Variants in RNF150 observed in about 807,000 individuals in gnomAD.
RNF150 encodes the protein ring finger protein 150.
In RNF150, 24 loss-of-function variants were observed where a neutral mutation model predicts 39.3. That is an observed-to-expected ratio of 0.61 (90% CI 0.44 to 0.86). The LOEUF (loss-of-function observed/expected upper bound fraction) is 0.86, where lower values mean the gene tolerates loss of function less well. Among genes scored for constraint, RNF150 ranks in the 40% least tolerant of loss-of-function variants. RNF150 has a pLI of 0.00. For missense variants in RNF150, 502 were observed against 587.8 expected (o/e 0.85, Z 1.51); for synonymous variants, 255 against 227.3 (o/e 1.12, Z -1.10).
intron 1 of RNF150, among the ~76,000 whole-genome samples, chr4:141,034,715 C>T (rs547091294): frequency 1.2e-4 from 18 of 151,912 alleles, no homozygotes; most frequent in East Asian, 1.9e-4. Context: ...ACAGGCAGGC[C>T]GAAGGAGAGG....
At chr4:141,148,289 C>G (rs1267685943) in intron 1 of RNF150, among the ~76,000 whole-genome samples, 3 of 152,130 alleles carry the variant, frequency 2.0e-5, no homozygotes, top group African/African-American at 7.2e-5. Context: ...GTCTGTTACC[C>G]TGGACCTAGA....
intron 6 of RNF150, among the ~76,000 whole-genome samples, chr4:140,874,412 C>A (rs972315580): frequency 2.6e-5 from 4 of 152,176 alleles, no homozygotes; most frequent in Non-Finnish European, 4.4e-5. Context: ...GATCCTGCTG[C>A]ATTTCTTCAT....
chr4:141,009,686 TG>T lies in RNF150; in HGVS notation c.485-41814del, dbSNP rs1317230022. Among the ~76,000 whole-genome samples, 15 of 152,264 alleles carry T rather than the reference TG, an allele frequency of 9.9e-5. No homozygotes were observed. The South Asian group carries it at 2.5e-3, about 25-fold the overall frequency. On this transcript the variant is annotated intron_variant, in intron 1 of 6. Transcript: ENST00000515673. ...CTTAATTCAAATTGCACCTATTCCA[TG>T]TCATTTTTTCCCAGATAAAGGGGAT...
At chr4:140,895,085 A>G (rs1037463125) in intron 6 of RNF150, among the ~76,000 whole-genome samples, 3 of 152,102 alleles carry the variant, frequency 2.0e-5, no homozygotes, top group Non-Finnish European at 4.4e-5. Flanking sequence ...AACCCACTAG[A>G]GACTAAGTCC....
intron 1 of RNF150, among the ~76,000 whole-genome samples, chr4:141,022,210 T>A (rs1735521236): frequency 6.6e-6 from 1 of 151,808 alleles, no homozygotes; most frequent in South Asian, 2.1e-4. Flanking sequence ...TTGCACTGGG[T>A]TTTTTTTATT....
chr4:141,021,989 T>A (rs1375680680), intron 1 of RNF150, among the ~76,000 whole-genome samples: 3 of 152,228 alleles, frequency 2.0e-5, no homozygotes, highest in Non-Finnish European at 4.4e-5. Flanking sequence ...GAATCAGCAC[T>A]GCAACTCATG....
At chr4:141,000,167 G>T (rs924678100) in intron 1 of RNF150, among the ~76,000 whole-genome samples, 24 of 152,100 alleles carry the variant, frequency 1.6e-4, no homozygotes, top group African/African-American at 5.5e-4. Context: ...CAAAGCTAAA[G>T]AAAGAGCTTT....
intron 1 of RNF150, among the ~76,000 whole-genome samples, chr4:141,079,610 T>G (rs901246499): frequency 2.6e-5 from 4 of 152,222 alleles, no homozygotes; most frequent in East Asian, 1.9e-4. Flanking sequence ...TGTTGCTTTA[T>G]TAAGCCAACA....
intron 6 of RNF150, among the ~76,000 whole-genome samples, chr4:140,881,733 G>A (rs1304064237): frequency 6.6e-6 from 1 of 151,994 alleles, no homozygotes; most frequent in Non-Finnish European, 1.5e-5. Flanking sequence ...CAAAGCAAAA[G>A]AGCCAAGTGT....
chr4:141,059,436 T>C (rs1228799762), intron 1 of RNF150, among the ~76,000 whole-genome samples: 1 of 152,190 alleles, frequency 6.6e-6, no homozygotes, highest in Non-Finnish European at 1.5e-5. Flanking sequence ...CTTTCAACCA[T>C]AAAGTCATAT....
chr4:140,997,420 A>G (rs1734414911), intron 1 of RNF150, among the ~76,000 whole-genome samples: 1 of 152,192 alleles, frequency 6.6e-6, no homozygotes, highest in African/African-American at 2.4e-5. Context: ...CAGGAGTTCG[A>G]GACCAGCCTG....
chr4:140,899,668 G>A (rs1448534977), intron 6 of RNF150, among the ~76,000 whole-genome samples: 1 of 152,146 alleles, frequency 6.6e-6, no homozygotes, highest in East Asian at 1.9e-4. Context: ...AGGAAGAACT[G>A]TCTTCTAAGC....
At chr4:140,955,756 C>G (rs1159286575) in intron 2 of RNF150, among the ~76,000 whole-genome samples, 1 of 152,206 alleles carries the variant, frequency 6.6e-6, no homozygotes, top group Admixed American at 6.5e-5. Flanking sequence ...TGCCTGAACT[C>G]TCCCTTGGTG....
chr4:141,208,766 C>G (rs1728416668), intron 1 of RNF150, among the ~76,000 whole-genome samples: 1 of 152,100 alleles, frequency 6.6e-6, no homozygotes, highest in Admixed American at 6.5e-5. Context: ...AGTTTGCCTG[C>G]CACTGTTTTG....
chr4:141,072,040 T>A (rs1444624323), intron 1 of RNF150, among the ~76,000 whole-genome samples: 1 of 152,184 alleles, frequency 6.6e-6, no homozygotes, highest in East Asian at 1.9e-4. Context: ...TCTGATGCAC[T>A]AGGTCTGGGG....
intron 1 of RNF150, among the ~76,000 whole-genome samples, chr4:141,082,324 C>G (rs1409689870): frequency 6.6e-6 from 1 of 152,198 alleles, no homozygotes; most frequent in Non-Finnish European, 1.5e-5. Context: ...ACCTTGTTTC[C>G]TGGAAACAAC....
intron 1 of RNF150, among the ~76,000 whole-genome samples, chr4:141,002,212 A>G (rs73860212): frequency 0.076 from 11,538 of 152,228 alleles, 489 homozygotes; most frequent in Middle Eastern, 0.16. Flanking sequence ...ACAATTTTGA[A>G]TATTAGAAAT....
chr4:140,871,407 A>T (rs1158666515), intron 6 of RNF150, among the ~76,000 whole-genome samples: 3 of 152,226 alleles, frequency 2.0e-5, no homozygotes, highest in Non-Finnish European at 2.9e-5. Context: ...GTACAAGTAT[A>T]CACGAATGGG....
chr4:141,042,679 A>T (rs564708441), intron 1 of RNF150, among the ~76,000 whole-genome samples: 13 of 152,144 alleles, frequency 8.5e-5, no homozygotes, highest in Non-Finnish European at 1.8e-4. Flanking sequence ...AACACTAAAA[A>T]TCAATTTCTA....
Sources: gnomAD v4.1 joint callset for allele counts (sites outside exome capture counted in the v4.1 genomes callset) on GRCh38, gnomAD v4.1.1 for gene constraint, MANE v1.5 for transcripts, NCBI Gene and HGNC (gene_info 2026-07-23, HGNC 2026-07-21) for gene names.